SIN3A: variants seen among roughly 807,000 people sequenced by gnomAD.
SIN3A encodes paired amphipathic helix protein Sin3a.
Under a neutral mutation model 146.1 loss-of-function variants are expected in SIN3A, and 14 were observed. That is an observed-to-expected ratio of 0.10 (90% confidence interval 0.06 to 0.15). The LOEUF is 0.15. Among genes scored for constraint, SIN3A ranks in the 10% least tolerant of loss-of-function variants. The pLI is 1.00. For missense variants in SIN3A, 1,028 were observed against 1,576.0 expected, an observed-to-expected ratio of 0.65 and a Z score of 5.89; for synonymous variants, 572 against 572.0, an observed-to-expected ratio of 1.00 and a Z score of 0.00.
upstream of SIN3A, among the ~76,000 whole-genome samples, chr15:75,452,598 T>G (rs1162069755): frequency 6.6e-6 from 1 of 152,174 alleles, no homozygotes; most frequent in African/African-American, 2.4e-5. Context: ...GGCGGAGAAG[T>G]AAACTCCCTA....
At chr15:75,378,744 A>G (rs1449455365) in intron 19 of SIN3A, among the ~76,000 whole-genome samples, 1 of 152,148 alleles carries the variant, frequency 6.6e-6, no homozygotes, top group African/African-American at 2.4e-5. Flanking sequence ...TGAATATAGA[A>G]GCAGACATGA....
rs1319518627 is a variant in SIN3A, at chr15:75,375,850, A to G, written c.3406T>C (p.Cys1136Arg). 6.2e-7 allele frequency: 1 copy of G among 1,613,872 alleles called. No individual in the cohort carries two copies. Among genetic ancestry groups the G allele is most frequent in the South Asian group, 1.1e-5 (1 of 91,078 alleles). The part of the protein sequence containing the change: ...LPRNLRRIRK[C>R]QRGREQQEKE... Reference sequence around the variant, plus strand: ...TCCTGCTGCTCTCGACCACGTTGACACTTCCGGATCCGCCGTAGATTCCTA... The same window carrying G: ...TCCTGCTGCTCTCGACCACGTTGACGCTTCCGGATCCGCCGTAGATTCCTA... The change falls in exon 20 of 21, where the codon TGT becomes CGT. Residue 1136 changes from cysteine to arginine, a missense_variant. By Grantham distance (180) the Cys-to-Arg change is radical. Coordinates refer to ENST00000394947, the MANE Select transcript of SIN3A (RefSeq NM_001145358.2).
chr15:75,393,403 G>C (rs920182869), intron 14 of SIN3A, among the ~76,000 whole-genome samples: 2 of 151,950 alleles, frequency 1.3e-5, no homozygotes, highest in African/African-American at 4.8e-5. Context: ...TTTTGGCAGG[G>C]TCTTGCTCTG....
rs764661637 is a variant in SIN3A, at chr15:75,389,858, C to T, written c.2852-37G>A. The T allele has an allele frequency of 2.5e-5, 40 of 1,603,382 alleles. No homozygotes were observed. In the South Asian group the frequency reaches 3.9e-4, roughly 16 times the overall value. On this transcript the variant is annotated intron_variant, in intron 15 of 20. Transcript: ENST00000394947. ...ATGGGATTGGTGAGGCCTTACCTTG[C>T]TAAGAAAAGACTAGGGATAGAGTAC...
intron 15 of SIN3A, among the ~76,000 whole-genome samples, chr15:75,391,031 C>T (rs1025593058): frequency 1.3e-5 from 2 of 152,254 alleles, no homozygotes; most frequent in Middle Eastern, 3.4e-3. Flanking sequence ...TGAAGTCTGA[C>T]GAATTCATTA....
chr15:75,402,041 C>T, intron 9 of SIN3A, 71 bp from the exon 10 acceptor site: 1 of 967,598 alleles, frequency 1.0e-6, no homozygotes, highest in Non-Finnish European at 1.6e-6. Flanking sequence ...GGGCCTCGCT[C>T]TGTCGCCCAG....
intron 17 of SIN3A, among the ~76,000 whole-genome samples, 193 bp from the exon 18 acceptor site, chr15:75,381,898 A>G (rs2072979368): frequency 6.6e-6 from 1 of 152,226 alleles, no homozygotes; most frequent in African/African-American, 2.4e-5. Context: ...AAAATGAAAT[A>G]TATTAAAGCA....
intron 1 of SIN3A, among the ~76,000 whole-genome samples, chr15:75,435,055 G>A (rs2074083094): frequency 6.6e-6 from 1 of 151,894 alleles, no homozygotes; most frequent in African/African-American, 2.4e-5. Context: ...AATTGGTACA[G>A]CCTATTTAGC....
chr15:75,387,131 A>C (rs1204404792), intron 16 of SIN3A, among the ~76,000 whole-genome samples: 1 of 152,194 alleles, frequency 6.6e-6, no homozygotes, highest in African/African-American at 2.4e-5. Flanking sequence ...TATGTTGTAC[A>C]TTCAGTCAGC....
chr15:75,392,020 T>C (rs1236226766), intron 15 of SIN3A, among the ~76,000 whole-genome samples: 1 of 152,198 alleles, frequency 6.6e-6, no homozygotes, highest in African/African-American at 2.4e-5. Context: ...TACCAACCAC[T>C]GACCAAGTGT....
intron 4 of SIN3A, among the ~76,000 whole-genome samples, chr15:75,413,863 T>C (rs2073688353): frequency 6.6e-6 from 1 of 152,212 alleles, no homozygotes. Flanking sequence ...ACATCTACAT[T>C]GTTCAGATGA....
chr15:75,431,249 A>T (rs2074009534), intron 1 of SIN3A, among the ~76,000 whole-genome samples: 1 of 152,208 alleles, frequency 6.6e-6, no homozygotes. Flanking sequence ...CAAGTTCCTC[A>T]TTCTATGTGA....
chr15:75,386,774 T>C lies in SIN3A; in HGVS notation c.3022-2337A>G, dbSNP rs187024461. On this transcript the variant is annotated intron_variant, in intron 16 of 20. Coordinates refer to ENST00000394947, the MANE Select transcript of SIN3A (RefSeq NM_001145358.2). ...GTTCTGTACTTGGATGTCTGTGAGG[T>C]TGCCTATTGTATTCTTAATACAAAT... Among the ~76,000 whole-genome samples the C allele has an allele frequency of 4.9e-4, 74 of 152,338 alleles. 1 individual carries two copies. Among genetic ancestry groups the C allele is most frequent in the African/African-American group, 1.8e-3 (73 of 41,568 alleles).
At chr15:75,438,967 C>A (rs147331567) in intron 1 of SIN3A, among the ~76,000 whole-genome samples, 1 of 152,260 alleles carries the variant, frequency 6.6e-6, no homozygotes, top group East Asian at 1.9e-4. Context: ...GAAAGGCACT[C>A]TATTTAGATT....
chr15:75,401,561 T>G (rs991255406), intron 10 of SIN3A, among the ~76,000 whole-genome samples: 2 of 152,080 alleles, frequency 1.3e-5, no homozygotes, highest in Non-Finnish European at 2.9e-5. Flanking sequence ...TAATAATTTT[T>G]AAAAAAATTC....
intron 8 of SIN3A, 106 bp from the exon 9 acceptor site, chr15:75,407,250 T>C: frequency 2.9e-6 from 2 of 678,924 alleles, no homozygotes; most frequent in Non-Finnish European, 5.1e-6. Context: ...TGCTGATTAA[T>C]AATTTGAAAC....
chr15:75,413,763 TACCAA>T (rs1555446620), intron 4 of SIN3A, among the ~76,000 whole-genome samples: 1 of 152,186 alleles, frequency 6.6e-6, no homozygotes, highest in Non-Finnish European at 1.5e-5. Flanking sequence ...GTAATAATTC[TACCAA>T]GCAGATACTC....
At chr15:75,383,760 T>G (rs551981642) in intron 17 of SIN3A, among the ~76,000 whole-genome samples, 31 of 152,252 alleles carry the variant, frequency 2.0e-4, no homozygotes, top group African/African-American at 7.5e-4. Context: ...TAGCTGAGAC[T>G]ACAGGTGCAC....
intron 2 of SIN3A, among the ~76,000 whole-genome samples, chr15:75,426,150 A>G (rs1034187382): frequency 2.0e-5 from 3 of 152,246 alleles, no homozygotes; most frequent in Non-Finnish European, 2.9e-5. Context: ...CAAATGTAGA[A>G]AACAGTCATT....
Sources: gnomAD v4.1 joint callset for allele counts (sites outside exome capture counted in the v4.1 genomes callset) on GRCh38, gnomAD v4.1.1 for gene constraint, MANE v1.5 for transcripts, NCBI Gene and HGNC (gene_info 2026-07-23, HGNC 2026-07-21) for gene names.